Variants in AP1M1 observed in about 807,000 individuals in gnomAD.
AP1M1 encodes the protein AP-1 complex subunit mu-1.
Under a neutral mutation model 57.1 loss-of-function variants are expected in AP1M1, and 18 were observed. That is an observed-to-expected ratio of 0.32 (90% CI 0.22 to 0.47). AP1M1 has a LOEUF of 0.47. Ranked by LOEUF, AP1M1 falls within the 20% of genes least tolerant of loss-of-function variation. The pLI, the probability that AP1M1 is intolerant of heterozygous loss-of-function variation, is 1.00. For synonymous variants in AP1M1, 241 were observed against 237.9 expected (o/e 1.01, Z -0.12); for missense variants, 362 against 593.5 (o/e 0.61, Z 4.05).
intron 4 of AP1M1, 30 bp from the exon 5 acceptor site, chr19:16,209,000 C>T: frequency 6.2e-7 from 1 of 1,601,732 alleles, no homozygotes; most frequent in South Asian, 1.1e-5. Context: ...CGGGTACCAC[C>T]TCCTTCACTC....
intron 1 of AP1M1, among the ~76,000 whole-genome samples, chr19:16,200,504 G>C (rs1426024776): frequency 6.6e-6 from 1 of 152,122 alleles, no homozygotes; most frequent in Non-Finnish European, 1.5e-5. Flanking sequence ...GCTCCCCAAG[G>C]CAGCCGTGGG....
At chr19:16,231,854 C>T (rs1461407262) in intron 9 of AP1M1, among the ~76,000 whole-genome samples, 1 of 152,172 alleles carries the variant, frequency 6.6e-6, no homozygotes, top group Non-Finnish European at 1.5e-5. Context: ...GTGGAAGTGC[C>T]ATAGTGTAGG....
In AP1M1 at chr19:16,206,404, T is replaced by C; in HGVS notation, c.263T>C (p.Val88Ala). Residue 88 changes from valine (V) to alanine (A), a missense_variant, in exon 3 of 12, where the codon GTG becomes GCG. Val to Ala is a moderately conservative substitution (Grantham distance 64). Around this residue, in one of 2 missense-constraint regions of AP1M1, gnomAD observed 337 missense variants for 511.1 expected, o/e 0.66. Transcript: ENST00000291439. This position sits in a 1 kb window ranked among gnomAD's most constrained non-coding sequence, Gnocchi z 4.3. Reference sequence around the variant, plus strand: ...GTCTTTTCTTTCCTCTATAAGGTGGTGCAGGTGAGTCTCGCTCGGAGGGGC... The same window carrying C: ...GTCTTTTCTTTCCTCTATAAGGTGGCGCAGGTGAGTCTCGCTCGGAGGGGC... ...SLVFSFLYKV[V>A]QVFSEYFKEL... 1 of 1,613,940 alleles carries C rather than the reference T, an allele frequency of 6.2e-7. No homozygotes were observed. The highest frequency in any genetic ancestry group is 2.2e-5 in the East Asian group (1 of 44,856).
In AP1M1 at chr19:16,236,995, CA is replaced by C. The variant is rs201774078; in HGVS notation, c.*2564del. Reference sequence around the variant, plus strand: ...CACAGAGACTCTGAATAGAAAAGAGCAAAATGCTGTTAAGACAGAGCTGTTA... The same window carrying C: ...CACAGAGACTCTGAATAGAAAAGAGCAAATGCTGTTAAGACAGAGCTGTTA... On this transcript the variant is annotated 3_prime_UTR_variant, in exon 12 of 12. Coordinates refer to ENST00000291439, the MANE Select transcript of AP1M1 (RefSeq NM_032493.4). 1,763 of 152,322 alleles carry C rather than the reference CA, an allele frequency of 0.012. 20 individuals are homozygous for C. Among genetic ancestry groups the C allele is most frequent in the Non-Finnish European group, 0.017 (1,123 of 68,036 alleles). 9.4% of individuals were successfully genotyped at this position (152,322 alleles called of 1,614,324 possible).
At position 16,242,182 on chromosome 19, in the gene AP1M1, C is replaced by T. The variant is rs1306045899; in HGVS notation, c.*7747C>T. 3.3e-5 allele frequency: 5 copies of T among 152,082 alleles called. 1 individual carries two copies. The highest frequency in any genetic ancestry group is 1.2e-4 in the African/African-American group (5 of 41,436). The allele number at this position is 152,082 out of a possible 1,614,324, so 9.4% of individuals were successfully genotyped here. ...AAAATTAGCCAGGCATGGTGGCGCACACCTGTAGTCCAAACTACTCAGGAG... is the reference window on the plus strand; with the variant it reads ...AAAATTAGCCAGGCATGGTGGCGCATACCTGTAGTCCAAACTACTCAGGAG... On this transcript the variant is annotated 3_prime_UTR_variant, in exon 12 of 12. Coordinates refer to ENST00000291439, the MANE Select transcript of AP1M1 (RefSeq NM_032493.4).
rs2091474478 is a variant in AP1M1, at chr19:16,207,526, C to G, written c.268-493C>G. Among the ~76,000 whole-genome samples the G allele has an allele frequency of 6.6e-6, 1 of 152,202 alleles. No homozygotes were observed. The highest frequency in any genetic ancestry group is 6.5e-5 in the Admixed American group (1 of 15,282). ...GCTGTGCCTTTCTGTTTTAGTGACGCTCCTTCCTTCAGCATTTGTGCCTGC... is the reference window on the plus strand; with the variant it reads ...GCTGTGCCTTTCTGTTTTAGTGACGGTCCTTCCTTCAGCATTTGTGCCTGC... On this transcript the variant is annotated intron_variant, in intron 3 of 11. Coordinates refer to ENST00000291439, the MANE Select transcript of AP1M1 (RefSeq NM_032493.4). This position sits in a 1 kb window ranked among gnomAD's most constrained non-coding sequence, Gnocchi z 4.2.
At chr19:16,217,788 C>A (rs1013395109) in intron 5 of AP1M1, among the ~76,000 whole-genome samples, 9 of 152,146 alleles carry the variant, frequency 5.9e-5, no homozygotes, top group African/African-American at 2.2e-4. Flanking sequence ...CCTGGCTGTG[C>A]TCCACCACAT....
At position 16,227,133 on chromosome 19, in the gene AP1M1, C is replaced by T. The variant is rs2091574744; in HGVS notation, c.674-415C>T. ...GGGCAGCTCCCCGCCTGGGGCTGGG[C>T]AGGGCCCCACCCACATAGCCCTCAG... is the stretch of plus-strand genomic sequence containing the variant. On this transcript the variant is annotated intron_variant, in intron 6 of 11. Transcript: ENST00000291439. The surrounding 1 kb of genome is among the most constrained non-coding windows in gnomAD (Gnocchi z 6.2). 6.6e-6 allele frequency among the ~76,000 whole-genome samples: 1 copy of T among 152,152 alleles called. No homozygotes were observed. Among genetic ancestry groups the T allele is most frequent in the African/African-American group, 2.4e-5 (1 of 41,448 alleles).
At position 16,234,545 on chromosome 19, in the gene AP1M1, T is replaced by C; in HGVS notation, c.*110T>C. 1 of 1,417,570 alleles carries C rather than the reference T, an allele frequency of 7.1e-7. No homozygotes were observed. 87.8% of individuals were successfully genotyped at this position (1,417,570 alleles called of 1,614,324 possible). On this transcript the variant is annotated 3_prime_UTR_variant, in exon 12 of 12. Transcript: ENST00000291439. ...GGCCCTCCCTGGTCTCTGGCCACCC[T>C]CCCAGCCTCTGCCCAGGGACCCCTG...
Position 16,228,268 on chromosome 19 carries a change from C to G in AP1M1, c.888+60C>G. On this transcript the variant is annotated intron_variant, in intron 8 of 11. Transcript: ENST00000291439. This position sits in a 1 kb window ranked among gnomAD's most constrained non-coding sequence, Gnocchi z 5.0. Reference sequence around the variant, plus strand: ...TGGTGTCTCTGGCCCGTCCCAGGAGCCTAACCGAGGGCTGGGGGTGCCGTA... The same window carrying G: ...TGGTGTCTCTGGCCCGTCCCAGGAGGCTAACCGAGGGCTGGGGGTGCCGTA... The G allele has an allele frequency of 6.4e-7, 1 of 1,559,152 alleles. No individual in the cohort carries two copies.
chr19:16,245,534 G>C lies in AP1M1; in HGVS notation c.*11099G>C, dbSNP rs1053170705. On this transcript the variant is annotated 3_prime_UTR_variant, in exon 12 of 12. Transcript: ENST00000291439. ...GGCCTCAAGTGATCCACCTGCCTCG[G>C]CCTCCCAAAGTGCGGGGAGACCAGA... 2 of 152,400 alleles carry C rather than the reference G, an allele frequency of 1.3e-5. No homozygotes were observed. The highest frequency in any genetic ancestry group is 2.4e-5 in the African/African-American group (1 of 41,436). The allele number at this position is 152,400 out of a possible 1,614,324, so 9.4% of individuals were successfully genotyped here.
intron 9 of AP1M1, among the ~76,000 whole-genome samples, chr19:16,232,623 C>G (rs1162912845): frequency 6.6e-6 from 1 of 152,246 alleles, no homozygotes; most frequent in Non-Finnish European, 1.5e-5. Context: ...CTCACTCTCA[C>G]GCTGCCCTGG....
intron 9 of AP1M1, among the ~76,000 whole-genome samples, chr19:16,229,475 C>T (rs2091586625): frequency 6.6e-6 from 1 of 152,218 alleles, no homozygotes; most frequent in African/African-American, 2.4e-5. Flanking sequence ...GTACACAGTG[C>T]ACAGAGAGGC....
chr19:16,213,126 T>G (rs151008282), intron 5 of AP1M1, among the ~76,000 whole-genome samples: 1 of 152,190 alleles, frequency 6.6e-6, no homozygotes, highest in Non-Finnish European at 1.5e-5. Context: ...AGTGCTGAGT[T>G]AAGGTCCTGG....
At chr19:16,210,271 G>A (rs1449109663) in intron 5 of AP1M1, 3 of 667,224 alleles carry the variant, frequency 4.5e-6, no homozygotes, top group East Asian at 5.5e-5. Context: ...CATTTGGGTG[G>A]TTTTCCAATC....
rs769439661 is a variant in AP1M1, at chr19:16,208,129, C to T, written c.378C>T (p.Thr126=). The change falls in exon 4 of 12, where the codon ACC becomes ACT. Residue 126 remains threonine, a synonymous_variant. Transcript: ENST00000291439. ...TGGACTTCGGCTACCCCCAGACCACCGACAGCAAGATCCTGCAGGAGTGAG... is the reference window on the plus strand; with the variant it reads ...TGGACTTCGGCTACCCCCAGACCACTGACAGCAAGATCCTGCAGGAGTGAG... The part of the protein sequence containing the change: ...ELMDFGYPQT[T]DSKILQEYIT... 2.2e-5 allele frequency: 35 copies of T among 1,613,334 alleles called. No homozygotes were observed. Among genetic ancestry groups the T allele is most frequent in the Non-Finnish European group, 2.6e-5 (31 of 1,179,670 alleles).
rs970350647 is a variant in AP1M1, at chr19:16,203,480, C to T, written c.64C>T (p.Arg22Cys). 5 of 1,614,092 alleles carry T rather than the reference C, an allele frequency of 3.1e-6. No homozygotes were observed. Among genetic ancestry groups the T allele is most frequent in the African/African-American group, 1.3e-5 (1 of 74,928 alleles). ...KGKVLICRNY[R>C]GDVDMSEVEH... The stretch of plus-strand genomic sequence containing the variant: ...CCAGGTGCTCATCTGCCGGAACTAC[C>T]GTGGCGACGTGGACATGTCAGAGGT... The change falls in exon 2 of 12, where the codon CGT becomes TGT. Residue 22 changes from arginine to cysteine, a missense_variant. Coordinates refer to ENST00000291439, the MANE Select transcript of AP1M1 (RefSeq NM_032493.4). The surrounding 1 kb of genome is among the most constrained non-coding windows in gnomAD (Gnocchi z 4.6).
At chr19:16,210,717 G>A (rs758131302) in intron 5 of AP1M1, among the ~76,000 whole-genome samples, 1 of 151,908 alleles carries the variant, frequency 6.6e-6, no homozygotes, top group Non-Finnish European at 1.5e-5. Context: ...CCACCACCAG[G>A]CCTGGCTCAT....
At chr19:16,202,097 C>G (rs540663582) in intron 1 of AP1M1, among the ~76,000 whole-genome samples, 1 of 152,278 alleles carries the variant, frequency 6.6e-6, no homozygotes, top group East Asian at 1.9e-4. Context: ...TCACCTGCCT[C>G]CCTCCAATCA....
Sources: gnomAD v4.1 joint callset for allele counts (sites outside exome capture counted in the v4.1 genomes callset) on GRCh38, gnomAD v4.1.1 for gene constraint, gnomAD v4.1.1 regional missense constraint, Gnocchi (gnomAD v3.1) non-coding constraint, MANE v1.5 for transcripts, NCBI Gene and HGNC (gene_info 2026-07-23, HGNC 2026-07-21) for gene names.